Variants in PDE1C observed in about 807,000 individuals in gnomAD.
PDE1C encodes the protein phosphodiesterase 1C, also known as dual specificity calcium/calmodulin-dependent 3',5'-cyclic nucleotide phosphodiesterase 1C.
PDE1C carries 62 observed loss-of-function variants against 93.1 expected under a neutral mutation model. That is an observed-to-expected ratio of 0.67 (90% confidence interval 0.54 to 0.82). The LOEUF (loss-of-function observed/expected upper bound fraction) is 0.82. Among genes scored for constraint, PDE1C ranks in the 40% least tolerant of loss-of-function variants. The pLI is 0.00. For missense variants in PDE1C, 742 were observed against 884.6 expected (o/e 0.84, Z 2.04); for synonymous variants, 325 against 310.1 (o/e 1.05, Z -0.50).
intron 1 of PDE1C, among the ~76,000 whole-genome samples, chr7:32,235,678 T>C (rs1808023733): frequency 6.6e-6 from 1 of 152,012 alleles, no homozygotes; most frequent in Non-Finnish European, 1.5e-5. Context: ...GAGAGACATA[T>C]TGTGGTCCAG....
At chr7:32,046,496 C>T (rs1244058825) in intron 2 of PDE1C, among the ~76,000 whole-genome samples, 1 of 152,090 alleles carries the variant, frequency 6.6e-6, no homozygotes, top group Admixed American at 6.6e-5. Context: ...ATTATAATCC[C>T]TTTGTTCACC....
At chr7:31,801,985 T>C (rs561095605) in intron 16 of PDE1C, among the ~76,000 whole-genome samples, 23 of 151,546 alleles carry the variant, frequency 1.5e-4, no homozygotes, top group South Asian at 4.1e-4. Flanking sequence ...TGTCTTTTTG[T>C]ATAAAGGCAT....
At chr7:32,373,069 A>G (rs1784360437) in intron 1 of PDE1C, among the ~76,000 whole-genome samples, 1 of 152,244 alleles carries the variant, frequency 6.6e-6, no homozygotes, top group African/African-American at 2.4e-5. Context: ...TCAAAGATTA[A>G]TCATGAAATT....
intron 1 of PDE1C, among the ~76,000 whole-genome samples, chr7:32,400,068 G>C (rs777312130): frequency 1.8e-4 from 27 of 152,210 alleles, no homozygotes; most frequent in African/African-American, 4.3e-4. Context: ...CCATAAAGTA[G>C]GTAGAGCTCT....
intron 16 of PDE1C, among the ~76,000 whole-genome samples, chr7:31,782,277 T>C (rs1783480859): frequency 2.8e-5 from 1 of 36,160 alleles, no homozygotes; most frequent in Non-Finnish European, 1.4e-4. Flanking sequence ...AATTCAAAAT[T>C]AACTATACTA....
chr7:32,400,255 T>C (rs1228609566), intron 1 of PDE1C, among the ~76,000 whole-genome samples: 1 of 152,108 alleles, frequency 6.6e-6, no homozygotes, highest in African/African-American at 2.4e-5. Flanking sequence ...GCACAGAAAA[T>C]GGTTTTAATA....
chr7:32,062,528 T>A (rs1794933756), intron 1 of PDE1C, among the ~76,000 whole-genome samples: 1 of 152,188 alleles, frequency 6.6e-6, no homozygotes, highest in South Asian at 2.1e-4. Context: ...TAACTCTACT[T>A]AACTACAATT....
chr7:32,370,734 T>C (rs1426986984), intron 1 of PDE1C, among the ~76,000 whole-genome samples: 1 of 151,982 alleles, frequency 6.6e-6, no homozygotes, highest in Admixed American at 6.6e-5. Context: ...CATGTATACA[T>C]ATGTAACAAA....
chr7:32,130,917 T>A (rs1197204512), intron 3 of PDE1C, among the ~76,000 whole-genome samples: 1 of 152,120 alleles, frequency 6.6e-6, no homozygotes, highest in Non-Finnish European at 1.5e-5. Context: ...ATAATAATAA[T>A]GGTAATAAGT....
chr7:31,779,138 G>A (rs7797209), intron 16 of PDE1C, among the ~76,000 whole-genome samples: 117,136 of 152,132 alleles, frequency 0.77, 46,597 homozygotes, highest in Non-Finnish European at 0.88. Flanking sequence ...GTATTTCACA[G>A]GTGGCCCAGG....
chr7:31,749,978 C>T (rs1794088265), downstream of PDE1C, among the ~76,000 whole-genome samples: 1 of 152,046 alleles, frequency 6.6e-6, no homozygotes, highest in African/African-American at 2.4e-5. Flanking sequence ...CCTCATGATC[C>T]ACCCACCTTG....
intron 2 of PDE1C, among the ~76,000 whole-genome samples, chr7:31,917,679 A>T (rs571714746): frequency 2.0e-5 from 3 of 152,306 alleles, no homozygotes; most frequent in African/African-American, 7.2e-5. Context: ...CCCTGTCCCC[A>T]ATTATTACAT....
At chr7:31,963,575 G>A (rs995066766) in intron 2 of PDE1C, among the ~76,000 whole-genome samples, 5 of 152,164 alleles carry the variant, frequency 3.3e-5, no homozygotes, top group African/African-American at 1.2e-4. Flanking sequence ...ATTATTGCTT[G>A]TATATTTATT....
At chr7:32,235,985 T>G (rs553180797) in intron 1 of PDE1C, among the ~76,000 whole-genome samples, 1 of 152,116 alleles carries the variant, frequency 6.6e-6, no homozygotes, top group South Asian at 2.1e-4. Context: ...AGAAAAAGAC[T>G]TACACAAATA....
chr7:31,773,666 GC>G (rs1189240233), intron 17 of PDE1C, among the ~76,000 whole-genome samples: 1 of 152,072 alleles, frequency 6.6e-6, no homozygotes, highest in East Asian at 1.9e-4. Flanking sequence ...TTTAAGATGA[GC>G]CTTTTTTTCT....
At chr7:31,981,423 A>G (rs1389525678) in intron 2 of PDE1C, among the ~76,000 whole-genome samples, 1 of 152,186 alleles carries the variant, frequency 6.6e-6, no homozygotes, top group Non-Finnish European at 1.5e-5. Flanking sequence ...ATCACTTCAT[A>G]TATTTTAATT....
intron 1 of PDE1C, among the ~76,000 whole-genome samples, chr7:32,218,707 C>T (rs1386817189): frequency 1.3e-5 from 2 of 152,210 alleles, no homozygotes; most frequent in Non-Finnish European, 2.9e-5. Flanking sequence ...ATGTTTTGCT[C>T]TATGCTCCTA....
At chr7:31,845,830 A>G (rs1241809261) in intron 9 of PDE1C, among the ~76,000 whole-genome samples, 1 of 151,988 alleles carries the variant, frequency 6.6e-6, no homozygotes, top group Non-Finnish European at 1.5e-5. Flanking sequence ...GTCTCTATTA[A>G]AAATACAAAA....
intron 3 of PDE1C, among the ~76,000 whole-genome samples, chr7:32,082,306 G>T (rs1796729687): frequency 6.6e-6 from 1 of 152,226 alleles, no homozygotes; most frequent in South Asian, 2.1e-4. Context: ...AGCGAGGCTG[G>T]GGGAGGGGCG....
Sources: gnomAD v4.1 joint callset for allele counts (sites outside exome capture counted in the v4.1 genomes callset) on GRCh38, gnomAD v4.1.1 for gene constraint, MANE v1.5 for transcripts, NCBI Gene and HGNC (gene_info 2026-07-23, HGNC 2026-07-21) for gene names.